CCDC146: variants seen among roughly 807,000 people sequenced by gnomAD.
CCDC146 encodes coiled-coil domain-containing protein 146.
A neutral mutation model predicts 119.3 loss-of-function variants in CCDC146; 92 were observed. That is an observed-to-expected ratio of 0.77 (90% CI 0.65 to 0.92). CCDC146 has a LOEUF of 0.92. Ranked by LOEUF, CCDC146 falls within the 40% of genes least tolerant of loss-of-function variation. The pLI is 0.00. For missense variants in CCDC146, 1,000 were observed against 1,103.0 expected (o/e 0.91, Z 1.32); for synonymous variants, 372 against 371.8 (o/e 1.00, Z -0.01).
chr7:77,183,785 C>T (rs1791624254), intron 2 of CCDC146, among the ~76,000 whole-genome samples: 1 of 152,182 alleles, frequency 6.6e-6, no homozygotes, highest in African/African-American at 2.4e-5. Context: ...TTTACAGTAG[C>T]TTTGGGAACG....
At chr7:77,218,568 A>G (rs1237516988) in intron 2 of CCDC146, among the ~76,000 whole-genome samples, 1 of 152,018 alleles carries the variant, frequency 6.6e-6, no homozygotes, top group Non-Finnish European at 1.5e-5. Context: ...ATAATTTTTG[A>G]AGAAAAGTGG....
chr7:77,264,284 C>G (rs936690708), intron 9 of CCDC146, among the ~76,000 whole-genome samples: 2 of 151,772 alleles, frequency 1.3e-5, no homozygotes, highest in African/African-American at 4.8e-5. Context: ...TTTTTGGAGA[C>G]AGTCTTGCTT....
intron 2 of CCDC146, among the ~76,000 whole-genome samples, chr7:77,230,158 C>T (rs764869311): frequency 6.6e-6 from 1 of 152,130 alleles, no homozygotes; most frequent in Non-Finnish European, 1.5e-5. Flanking sequence ...ATATTCCATC[C>T]TATGGATATA....
At chr7:77,156,133 G>A (rs2117455831) in intron 1 of CCDC146, among the ~76,000 whole-genome samples, 1 of 152,284 alleles carries the variant, frequency 6.6e-6, no homozygotes, top group South Asian at 2.1e-4. Context: ...CCATCATGTT[G>A]CAATTAACAG....
chr7:77,234,302 T>C, intron 2 of CCDC146, among the ~76,000 whole-genome samples: 1 of 152,074 alleles, frequency 6.6e-6, no homozygotes, highest in East Asian at 1.9e-4. Flanking sequence ...AACTATGGTC[T>C]GTATACTTTG....
chr7:77,201,913 A>AT (rs1287870636), intron 2 of CCDC146, among the ~76,000 whole-genome samples: 3 of 142,390 alleles, frequency 2.1e-5, no homozygotes, highest in East Asian at 2.0e-4. Context: ...GACAACATAG[A>AT]TAAAAAAAAA....
At chr7:77,288,687 G>A (rs55685379) in intron 17 of CCDC146, among the ~76,000 whole-genome samples, 36,387 of 152,136 alleles carry the variant, frequency 0.24, 5,147 homozygotes, top group African/African-American at 0.38. Context: ...TCTCATGCTA[G>A]GCATGAGTTC....
chr7:77,172,221 T>C (rs1297964466), intron 2 of CCDC146, among the ~76,000 whole-genome samples: 1 of 152,250 alleles, frequency 6.6e-6, no homozygotes, highest in Non-Finnish European at 1.5e-5. Context: ...TGTAAATTTA[T>C]TTTCTAATTC....
At chr7:77,181,380 T>C (rs1791586272) in intron 2 of CCDC146, among the ~76,000 whole-genome samples, 1 of 152,104 alleles carries the variant, frequency 6.6e-6, no homozygotes, top group Non-Finnish European at 1.5e-5. Flanking sequence ...GAATAGTTAG[T>C]TGGCATTTGA....
chr7:77,176,071 G>A (rs1238426239), intron 2 of CCDC146, among the ~76,000 whole-genome samples: 1 of 151,120 alleles, frequency 6.6e-6, no homozygotes, highest in Non-Finnish European at 1.5e-5. Flanking sequence ...TATACACAGG[G>A]TCCACTATGA....
chr7:77,133,102 C>T (rs1160120300), intron 1 of CCDC146, among the ~76,000 whole-genome samples: 4 of 151,456 alleles, frequency 2.6e-5, no homozygotes, highest in Non-Finnish European at 2.9e-5. Context: ...CCCCAGGAGG[C>T]AGAGGTTGCG....
At chr7:77,142,816 G>A (rs936083626) in intron 1 of CCDC146, among the ~76,000 whole-genome samples, 2 of 151,704 alleles carry the variant, frequency 1.3e-5, no homozygotes, top group Admixed American at 6.6e-5. Context: ...GTCTATCATT[G>A]TTGGACATTT....
intron 14 of CCDC146, among the ~76,000 whole-genome samples, chr7:77,282,062 G>A (rs565310079): frequency 6.6e-6 from 1 of 152,256 alleles, no homozygotes; most frequent in South Asian, 2.1e-4. Context: ...ATTTTTGCCT[G>A]TTTATGGGGA....
At chr7:77,142,923 T>C (rs1584020704) in intron 1 of CCDC146, among the ~76,000 whole-genome samples, 1 of 151,858 alleles carries the variant, frequency 6.6e-6, no homozygotes, top group Non-Finnish European at 1.5e-5. Context: ...CCTTTGGGTA[T>C]ATACCCAGTA....
intron 2 of CCDC146, among the ~76,000 whole-genome samples, chr7:77,229,013 A>G (rs933907257): frequency 2.6e-5 from 4 of 152,248 alleles, no homozygotes; most frequent in Non-Finnish European, 5.9e-5. Flanking sequence ...AACAGTAGCC[A>G]TTCTGACTGG....
chr7:77,229,394 T>C (rs1048275342), intron 2 of CCDC146, among the ~76,000 whole-genome samples: 4 of 152,232 alleles, frequency 2.6e-5, no homozygotes, highest in African/African-American at 9.6e-5. Flanking sequence ...TCTTTGCCTG[T>C]GTCTATGTCC....
chr7:77,236,829 TC>T, intron 2 of CCDC146, 117 bp from the exon 3 acceptor site: 1 of 731,274 alleles, frequency 1.4e-6, no homozygotes, highest in South Asian at 1.7e-5. Context: ...CTACATTGCC[TC>T]GTGTATCCTC....
chr7:77,259,927 C>G (rs746574478), intron 7 of CCDC146, 82 bp from the exon 8 acceptor site: 4 of 957,518 alleles, frequency 4.2e-6, no homozygotes, highest in African/African-American at 1.7e-5. Flanking sequence ...AGCATGGCCT[C>G]AAAATAAGGC....
chr7:77,280,900 G>A (rs1008056983), intron 14 of CCDC146, among the ~76,000 whole-genome samples: 2 of 152,056 alleles, frequency 1.3e-5, no homozygotes, highest in South Asian at 2.1e-4. Flanking sequence ...TCAGGAGTTC[G>A]AGACCAGCCT....
Sources: gnomAD v4.1 joint callset for allele counts (sites outside exome capture counted in the v4.1 genomes callset) on GRCh38, gnomAD v4.1.1 for gene constraint, MANE v1.5 for transcripts, NCBI Gene and HGNC (gene_info 2026-07-23, HGNC 2026-07-21) for gene names.